Variants in EPC2 observed in about 807,000 individuals in gnomAD.
EPC2 encodes the protein enhancer of polycomb 2, also known as enhancer of polycomb homolog 2.
EPC2 carries 14 observed loss-of-function variants against 92.1 expected under a neutral mutation model. That is an observed-to-expected ratio of 0.15 (90% CI 0.10 to 0.24). EPC2 has a LOEUF of 0.24. Ranked by LOEUF, EPC2 falls within the 10% of genes least tolerant of loss-of-function variation. The pLI, the probability that EPC2 is intolerant of heterozygous loss-of-function variation, is 1.00. For synonymous variants in EPC2, 340 were observed against 334.7 expected (o/e 1.02, Z -0.17); for missense variants, 755 against 971.5 (o/e 0.78, Z 2.96).
chr2:148,671,913 T>G (rs1378791194), intron 1 of EPC2, among the ~76,000 whole-genome samples: 2 of 152,134 alleles, frequency 1.3e-5, no homozygotes, highest in Non-Finnish European at 2.9e-5. Context: ...TTGAAAACCT[T>G]TTTGTTTTAG....
rs970871168 is a variant in EPC2, at chr2:148,719,797, T to A, written c.314-23825T>A. ...GTTGGTGATCCCTTTAGCCACCATT[T>A]GATCTGGGCTCTCCAAGCCCCACTG... On this transcript the variant is annotated intron_variant, in intron 2 of 13. Coordinates refer to ENST00000258484, the MANE Select transcript of EPC2 (RefSeq NM_015630.4). Among the ~76,000 whole-genome samples the A allele has an allele frequency of 2.4e-4, 36 of 152,380 alleles. 1 individual carries two copies. The highest frequency in any genetic ancestry group is 6.5e-4 in the Admixed American group (10 of 15,312).
chr2:148,768,645 T>C lies in EPC2; in HGVS notation c.1141-506T>C, dbSNP rs148442797. Among the ~76,000 whole-genome samples the C allele has an allele frequency of 7.3e-3, 1,105 of 152,332 alleles. 6 individuals are homozygous for C. Among genetic ancestry groups the C allele is most frequent in the African/African-American group, 0.025 (1,026 of 41,580 alleles). On this transcript the variant is annotated intron_variant, in intron 7 of 13. Coordinates refer to ENST00000258484, the MANE Select transcript of EPC2 (RefSeq NM_015630.4). ...AAATGAGTTGGGAGATACAAGACTTTCCTTTGAATAAAACCTGGCCTTTAT... is the reference window on the plus strand; with the variant it reads ...AAATGAGTTGGGAGATACAAGACTTCCCTTTGAATAAAACCTGGCCTTTAT...
intron 3 of EPC2, among the ~76,000 whole-genome samples, chr2:148,753,514 A>G (rs769799550): frequency 6.6e-6 from 1 of 152,104 alleles, no homozygotes; most frequent in African/African-American, 2.4e-5. Flanking sequence ...ATAAAAAGAA[A>G]CCCCCATACC....
chr2:148,745,859 A>G (rs1238414836), intron 3 of EPC2, among the ~76,000 whole-genome samples: 6 of 152,122 alleles, frequency 3.9e-5, no homozygotes. Context: ...GACAAAAGAT[A>G]GACTTAGGCA....
chr2:148,695,184 A>G (rs888373184), intron 2 of EPC2, among the ~76,000 whole-genome samples: 2 of 152,218 alleles, frequency 1.3e-5, no homozygotes, highest in Non-Finnish European at 2.9e-5. Flanking sequence ...ATGAAAGTTT[A>G]CTTCCCCCAT....
At chr2:148,766,672 G>A (rs1459867222) in intron 7 of EPC2, among the ~76,000 whole-genome samples, 2 of 152,176 alleles carry the variant, frequency 1.3e-5, no homozygotes, top group Admixed American at 1.3e-4. Flanking sequence ...CATTGCTGGA[G>A]CACAAAACAT....
intron 10 of EPC2, among the ~76,000 whole-genome samples, chr2:148,776,188 G>T (rs950133824): frequency 1.3e-5 from 2 of 152,076 alleles, no homozygotes; most frequent in South Asian, 4.1e-4. Flanking sequence ...TGTCATAAAT[G>T]TTTGCAACTA....
chr2:148,674,468 C>T (rs1255601458), intron 1 of EPC2, among the ~76,000 whole-genome samples: 1 of 152,220 alleles, frequency 6.6e-6, no homozygotes, highest in Non-Finnish European at 1.5e-5. Flanking sequence ...AAGCCATGAA[C>T]TGGACACTTT....
chr2:148,775,663 A>AAATAAAATTAAATTTAATTTAATTC, intron 10 of EPC2, among the ~76,000 whole-genome samples: 1 of 148,136 alleles, frequency 6.8e-6, no homozygotes, highest in Non-Finnish European at 1.5e-5. Flanking sequence ...AAATAAAATT[A>AAATAAAATTAAATTTAATTTAATTC]AATAAAATTA....
intron 2 of EPC2, among the ~76,000 whole-genome samples, chr2:148,712,292 AC>A (rs1452110336): frequency 6.6e-6 from 1 of 151,614 alleles, no homozygotes; most frequent in African/African-American, 2.4e-5. Context: ...CTGTACATTT[AC>A]CGTTAATCCA....
At chr2:148,707,740 G>GA (rs1682035539) in intron 2 of EPC2, among the ~76,000 whole-genome samples, 1 of 152,180 alleles carries the variant, frequency 6.6e-6, no homozygotes, top group Admixed American at 6.5e-5. Flanking sequence ...ACCTGCTCCT[G>GA]AATGACTACT....
In EPC2 at chr2:148,762,814, C is replaced by G; in HGVS notation, c.948+12C>G. 2 of 1,594,458 alleles carry G rather than the reference C, an allele frequency of 1.3e-6. No homozygotes were observed. The highest frequency in any genetic ancestry group is 1.7e-6 in the Non-Finnish European group (2 of 1,172,686). The stretch of plus-strand genomic sequence containing the variant: ...AATGTAAAACTAAGGTGAATATTGT[C>G]TGGGAAGAAGCATGTATGGATGGTA... On this transcript the variant is annotated intron_variant, in intron 6 of 13. Coordinates refer to ENST00000258484, the MANE Select transcript of EPC2 (RefSeq NM_015630.4).
intron 1 of EPC2, chr2:148,645,381 G>T: frequency 2.0e-6 from 1 of 504,856 alleles, no homozygotes; most frequent in South Asian, 2.3e-5. Flanking sequence ...CCAGTGTTGT[G>T]ATTAGCTCGC....
chr2:148,681,218 A>C (rs149408089), intron 1 of EPC2, among the ~76,000 whole-genome samples: 2 of 152,224 alleles, frequency 1.3e-5, no homozygotes, highest in African/African-American at 4.8e-5. Flanking sequence ...TGAGAAGCCT[A>C]TGCTGGAAAG....
At chr2:148,678,519 C>T (rs1033149998) in intron 1 of EPC2, among the ~76,000 whole-genome samples, 1 of 152,232 alleles carries the variant, frequency 6.6e-6, no homozygotes, top group Non-Finnish European at 1.5e-5. Context: ...TTAGGCATGG[C>T]GGGCTGCAGG....
intron 2 of EPC2, among the ~76,000 whole-genome samples, chr2:148,711,512 T>A (rs1682142532): frequency 6.6e-6 from 1 of 152,206 alleles, no homozygotes; most frequent in African/African-American, 2.4e-5. Flanking sequence ...GTGGTCTTTT[T>A]GATGATTGTT....
chr2:148,713,444 A>G (rs551094268), intron 2 of EPC2, among the ~76,000 whole-genome samples: 1 of 152,340 alleles, frequency 6.6e-6, no homozygotes, highest in South Asian at 2.1e-4. Context: ...GTTACAAAAG[A>G]GACAAAAAGT....
rs143707404 is a variant in EPC2, at chr2:148,747,599, C to T, written c.459+3832C>T. On this transcript the variant is annotated intron_variant, in intron 3 of 13. Transcript: ENST00000258484. The stretch of plus-strand genomic sequence containing the variant: ...GTTTACCTTTTACCCACATCACAAT[C>T]CATTTCACTTTACTGAAATTGCAGT... Among the ~76,000 whole-genome samples the T allele has an allele frequency of 1.4e-3, 206 of 152,170 alleles. 2 individuals carry two copies. The South Asian group carries it at 0.018, about 13-fold the overall frequency.
intron 7 of EPC2, 146 bp from the exon 8 acceptor site, chr2:148,769,005 C>A: frequency 1.7e-6 from 1 of 598,720 alleles, no homozygotes; most frequent in Non-Finnish European, 2.9e-6. Flanking sequence ...TTTTGCTAGT[C>A]ATTGAATGTT....
Sources: gnomAD v4.1 joint callset for allele counts (sites outside exome capture counted in the v4.1 genomes callset) on GRCh38, gnomAD v4.1.1 for gene constraint, MANE v1.5 for transcripts, NCBI Gene and HGNC (gene_info 2026-07-23, HGNC 2026-07-21) for gene names.